Variants in PARP15 observed in about 807,000 individuals in gnomAD.
The protein encoded by PARP15 is protein mono-ADP-ribosyltransferase PARP15.
A neutral mutation model predicts 62.1 loss-of-function variants in PARP15; 50 were observed. The observed-to-expected ratio is 0.81, with a 90% CI of 0.64 to 1.02. The LOEUF (loss-of-function observed/expected upper bound fraction) is 1.02. Ranked by LOEUF, PARP15 falls within the 50% of genes least tolerant of loss-of-function variation. The probability of loss-of-function intolerance (pLI) is 0.00; values close to 1 mark genes in which losing one functional copy is unlikely to be tolerated. For missense variants in PARP15, 820 were observed against 826.5 expected (o/e 0.99, Z 0.10); for synonymous variants, 309 against 293.1 (o/e 1.05, Z -0.55).
In PARP15 at chr3:122,627,033, T is replaced by C; in HGVS notation, c.1438T>C (p.Cys480Arg). Residue 480 changes from cysteine to arginine, a missense_variant and splice_region_variant, in exon 9 of 12, where the codon TGT (cysteine) becomes CGT (arginine). By Grantham distance (180) the Cys-to-Arg change is radical. Around this residue, in one of 3 missense-constraint regions of PARP15, gnomAD observed 731 missense variants for 727.7 expected, o/e 1.00. Transcript: ENST00000464300. Reference sequence around the variant, plus strand: ...TCAGTCCACATTCTCCATGACTACATGTAAGATGTTCACTTTTTAAAAATC... The same window carrying C: ...TCAGTCCACATTCTCCATGACTACACGTAAGATGTTCACTTTTTAAAAATC... ...NFQSTFSMTT[C>R]NLPEHWTDMN... The C allele has an allele frequency of 6.3e-7, 1 of 1,599,334 alleles. No individual in the cohort carries two copies. Among genetic ancestry groups the C allele is most frequent in the Non-Finnish European group, 8.5e-7 (1 of 1,172,326 alleles).
chr3:122,582,267 G>C (rs908307993), intron 1 of PARP15, among the ~76,000 whole-genome samples: 1 of 152,088 alleles, frequency 6.6e-6, no homozygotes, highest in African/African-American at 2.4e-5. Flanking sequence ...GACTTCCTGG[G>C]CTCAAGTGAT....
intron 7 of PARP15, 138 bp downstream of exon 7, chr3:122,619,981 A>C: frequency 1.3e-6 from 1 of 747,910 alleles, no homozygotes. Context: ...CTGGAAGAGC[A>C]GGCAGAGGTG....
Position 122,613,093 on chromosome 3 carries a change from T to C in PARP15, c.596T>C (p.Phe199Ser). ...KCLTTVEVLSFSSITFPMIGT... is the reference protein window; with the variant it reads ...KCLTTVEVLSSSSITFPMIGT... ...TTGACAACTGTAGAAGTGCTATCTT[T>C]CTCATCAATCACATTTCCCATGATT... Residue 199 changes from phenylalanine (F) to serine (S), a missense_variant, in exon 4 of 12, where the codon TTC (phenylalanine) becomes TCC (serine). Physicochemically the swap from Phe to Ser is radical, Grantham distance 155. This residue lies in a region of PARP15 where 731 missense variants were observed against 727.7 expected (regional missense o/e 1.00). Coordinates refer to ENST00000464300, the MANE Select transcript of PARP15 (RefSeq NM_001113523.3). The C allele has an allele frequency of 6.4e-7, 1 of 1,551,894 alleles. No individual in the cohort carries two copies. Among genetic ancestry groups the C allele is most frequent in the Non-Finnish European group, 8.7e-7 (1 of 1,147,020 alleles).
At position 122,632,710 on chromosome 3, in the gene PARP15, C is replaced by T. The variant is rs574750207; in HGVS notation, c.1572+491C>T. On this transcript the variant is annotated intron_variant, in intron 10 of 11. Transcript: ENST00000464300. ...CATAGAAGACAACTGTGTCCTGTCC[C>T]GCAGTTACTGGACGAGAATCCCAAC... Among the ~76,000 whole-genome samples the T allele has an allele frequency of 1.1e-4, 16 of 152,318 alleles. No homozygotes were observed. The South Asian group carries it at 1.2e-3, about 12-fold the overall frequency.
At chr3:122,626,172 A>G (rs1445598111) in intron 8 of PARP15, among the ~76,000 whole-genome samples, 10 of 146,994 alleles carry the variant, frequency 6.8e-5, no homozygotes, top group African/African-American at 2.5e-4. Context: ...TAAATGTATG[A>G]TTGGTAATGC....
rs1024336354 is a variant in PARP15 at position 122,577,754 on chromosome 3, T to A, written c.87T>A (p.Val29=). ...AACTTATGCACGGAGTTGCAGGTGT[T>A]ACTTCCAGAGCCGGACGAGATCGGG... is the stretch of plus-strand genomic sequence containing the variant. The part of the protein sequence containing the change: ...PRELMHGVAG[V]TSRAGRDREA... The change falls in exon 1 of 12, where the codon GTT becomes GTA. Residue 29 remains valine (V), a synonymous_variant. Transcript: ENST00000464300. The A allele has an allele frequency of 4.1e-5, 63 of 1,551,458 alleles. No individual in the cohort carries two copies. In the East Asian group the frequency reaches 1.5e-3, roughly 37 times the overall value.
intron 1 of PARP15, among the ~76,000 whole-genome samples, chr3:122,590,043 G>T (rs1271116680): frequency 1.3e-5 from 2 of 151,404 alleles, no homozygotes; most frequent in African/African-American, 4.9e-5. Context: ...CCTTCACCAC[G>T]CCTGGCTAAT....
intron 1 of PARP15, among the ~76,000 whole-genome samples, chr3:122,593,582 T>C (rs1291351356): frequency 6.6e-6 from 1 of 152,214 alleles, no homozygotes. Flanking sequence ...TAACCATGCA[T>C]TTGTACATCT....
intron 3 of PARP15, among the ~76,000 whole-genome samples, chr3:122,611,059 G>A (rs1237426858): frequency 6.6e-6 from 1 of 152,152 alleles, no homozygotes; most frequent in Non-Finnish European, 1.5e-5. Context: ...GACCCTTGGA[G>A]GTAGTAACAT....
At chr3:122,617,889 A>T (rs1417217367) in intron 6 of PARP15, among the ~76,000 whole-genome samples, 1 of 144,184 alleles carries the variant, frequency 6.9e-6, no homozygotes, top group Non-Finnish European at 1.6e-5. Flanking sequence ...CCACCCCCTA[A>T]TTTATTTATT....
chr3:122,593,164 A>G (rs1208378942), intron 1 of PARP15, among the ~76,000 whole-genome samples: 3 of 144,366 alleles, frequency 2.1e-5, no homozygotes, highest in African/African-American at 8.1e-5. Context: ...TTTGAGACAG[A>G]GTCTCCCTCT....
At chr3:122,631,117 A>G (rs1937037979) in intron 9 of PARP15, among the ~76,000 whole-genome samples, 1 of 152,206 alleles carries the variant, frequency 6.6e-6, no homozygotes, top group African/African-American at 2.4e-5. Flanking sequence ...AGCAGATCCA[A>G]AAGGACTGTA....
chr3:122,630,072 A>C (rs1416233512), intron 9 of PARP15, among the ~76,000 whole-genome samples: 3 of 152,274 alleles, frequency 2.0e-5, no homozygotes, highest in Non-Finnish European at 2.9e-5. Context: ...TAATCTTTTC[A>C]AAGAGCTGTA....
chr3:122,584,367 T>C (rs1411123952), intron 1 of PARP15, among the ~76,000 whole-genome samples: 2 of 152,260 alleles, frequency 1.3e-5, no homozygotes, highest in East Asian at 1.9e-4. Context: ...TTATTTCATC[T>C]TTTTCTATTC....
chr3:122,600,791 C>G (rs1369452083), intron 1 of PARP15, among the ~76,000 whole-genome samples: 1 of 142,226 alleles, frequency 7.0e-6, no homozygotes, highest in East Asian at 2.0e-4. Context: ...TTCATTATTA[C>G]CTTTTTTTTT....
chr3:122,598,426 G>A (rs1270693449), intron 1 of PARP15, among the ~76,000 whole-genome samples: 1 of 152,144 alleles, frequency 6.6e-6, no homozygotes, highest in Non-Finnish European at 1.5e-5. Context: ...GACTGCGACT[G>A]GAGAGTCTGC....
chr3:122,629,596 G>A (rs940327007), intron 9 of PARP15, among the ~76,000 whole-genome samples: 32 of 152,106 alleles, frequency 2.1e-4, no homozygotes, highest in Non-Finnish European at 3.5e-4. Flanking sequence ...TTATGAAGGG[G>A]GTGGTTTCAG....
At position 122,638,935 on chromosome 3, in the gene PARP15, A is replaced by G. The variant is rs1378208964; in HGVS notation, c.*2835A>G. On this transcript the variant is annotated 3_prime_UTR_variant, in exon 12 of 12. Transcript: ENST00000464300. ...ATATCTTTCCCTATTTTATGTATAT[A>G]GAATTATAAAGTTTTTAAAAATGTA... 2 of 152,180 alleles carry G rather than the reference A, an allele frequency of 1.3e-5. No homozygotes were observed. The highest frequency in any genetic ancestry group is 4.8e-5 in the African/African-American group (2 of 41,456). 9.4% of individuals were successfully genotyped at this position (152,180 alleles called of 1,614,324 possible).
chr3:122,588,902 C>T (rs564647384), intron 1 of PARP15, among the ~76,000 whole-genome samples: 1 of 152,328 alleles, frequency 6.6e-6, no homozygotes, highest in Non-Finnish European at 1.5e-5. Context: ...TGTATAAGAA[C>T]TTCATTACTT....
Sources: gnomAD v4.1 joint callset for allele counts (sites outside exome capture counted in the v4.1 genomes callset) on GRCh38, gnomAD v4.1.1 for gene constraint, gnomAD v4.1.1 regional missense constraint, MANE v1.5 for transcripts, NCBI Gene and HGNC (gene_info 2026-07-23, HGNC 2026-07-21) for gene names.